CDH23: variants seen among roughly 807,000 people sequenced by gnomAD.
The protein encoded by CDH23 is cadherin related 23, also known as cadherin-23.
In CDH23, 189 loss-of-function variants were observed where a neutral mutation model predicts 317.1. That is an observed-to-expected ratio of 0.60 (90% CI 0.53 to 0.67). The LOEUF is 0.67. CDH23 is among the 30% of genes least tolerant of loss of function. The probability of loss-of-function intolerance (pLI) is 0.00; values close to 1 mark genes in which losing one functional copy is unlikely to be tolerated. For synonymous variants in CDH23, 1,839 were observed against 1,876.8 expected (o/e 0.98, Z 0.52); for missense variants, 4,401 against 4,592.4 (o/e 0.96, Z 1.20).
At chr10:71,569,401 G>A (rs945345783) in intron 7 of CDH23, among the ~76,000 whole-genome samples, 4 of 152,192 alleles carry the variant, frequency 2.6e-5, no homozygotes, top group Non-Finnish European at 5.9e-5. Flanking sequence ...CAAACTAAGG[G>A]AGAGCTAACC....
In CDH23 at chr10:71,734,128, G is replaced by A. The variant is rs565041991; in HGVS notation, c.4105-112G>A. 21 of 843,956 alleles carry A rather than the reference G, an allele frequency of 2.5e-5. No homozygotes were observed. The South Asian group carries it at 2.9e-4, about 12-fold the overall frequency. 52.3% of individuals were successfully genotyped at this position (843,956 alleles called of 1,614,324 possible). ...GGAATTCAACAGACAGAGTGTCCTG[G>A]GGAAGTTATGCCGGACAGAGGAAGT... is the stretch of plus-strand genomic sequence containing the variant. On this transcript the variant is annotated intron_variant, in intron 32 of 69. Coordinates refer to ENST00000224721, the MANE Select transcript of CDH23 (RefSeq NM_022124.6).
At position 71,694,279 on chromosome 10, in the gene CDH23, G is replaced by T; in HGVS notation, c.2289+20G>T. 1 of 1,582,786 alleles carries T rather than the reference G, an allele frequency of 6.3e-7. No individual in the cohort carries two copies. On this transcript the variant is annotated intron_variant, in intron 21 of 69. Coordinates refer to ENST00000224721, the MANE Select transcript of CDH23 (RefSeq NM_022124.6). ...GCCACCGTGAGTGCGCTCCCCTCCC[G>T]TGCCCCAGCTCCCCCTCGCCGGCCA... is the stretch of plus-strand genomic sequence containing the variant.
chr10:71,518,569 C>G (rs1476577519), intron 6 of CDH23, among the ~76,000 whole-genome samples: 1 of 152,206 alleles, frequency 6.6e-6, no homozygotes, highest in Non-Finnish European at 1.5e-5. Flanking sequence ...GTCATAGTGA[C>G]ACCCCTTCCT....
chr10:71,774,237 C>T (rs556591852), intron 38 of CDH23, among the ~76,000 whole-genome samples: 192 of 113,640 alleles, frequency 1.7e-3, no homozygotes, highest in African/African-American at 4.8e-3. Context: ...TGGCTGTGCA[C>T]CCGCCCTCCC....
chr10:71,803,113 G>A (rs1460307265), intron 54 of CDH23, 38 bp downstream of exon 54: 1 of 1,601,940 alleles, frequency 6.2e-7, no homozygotes, highest in East Asian at 2.2e-5. Flanking sequence ...ATGTCTTGGG[G>A]GGTGGGAGGG....
chr10:71,677,084 T>A (rs540991372), intron 15 of CDH23, among the ~76,000 whole-genome samples: 2 of 152,298 alleles, frequency 1.3e-5, no homozygotes, highest in African/African-American at 4.8e-5. Flanking sequence ...TTTCTGCCCA[T>A]TCCTAGCATT....
chr10:71,645,981 G>A lies in CDH23; in HGVS notation c.1290+1G>A. 1 of 1,611,168 alleles carries A rather than the reference G, an allele frequency of 6.2e-7. No individual in the cohort carries two copies. Reference sequence around the variant, plus strand: ...GACCGTGGACCGCTACGACTTTGATGTAAGGCCCCACTCACTGGCATTTTG... The same window carrying A: ...GACCGTGGACCGCTACGACTTTGATATAAGGCCCCACTCACTGGCATTTTG... On this transcript the variant is annotated splice_donor_variant, in intron 13 of 69. Coordinates refer to ENST00000224721, the MANE Select transcript of CDH23 (RefSeq NM_022124.6). LOFTEE classifies it high-confidence loss of function.
Position 71,510,023 on chromosome 10 carries a change from G to A in CDH23, c.146-59G>A, listed in dbSNP as rs1314203751. 2.1e-5 allele frequency: 34 copies of A among 1,606,012 alleles called. No homozygotes were observed. The Admixed American group carries it at 2.5e-4, about 12-fold the overall frequency. ...AGAGTTCAGCCACCTGGGCAAGGTAGGAAGGCATAAACGTGACCTCTCTTA... is the reference window on the plus strand; with the variant it reads ...AGAGTTCAGCCACCTGGGCAAGGTAAGAAGGCATAAACGTGACCTCTCTTA... On this transcript the variant is annotated intron_variant, in intron 3 of 69. Coordinates refer to ENST00000224721, the MANE Select transcript of CDH23 (RefSeq NM_022124.6).
At chr10:71,790,485 G>A in intron 46 of CDH23, 72 bp downstream of exon 46, 1 of 1,565,598 alleles carries the variant, frequency 6.4e-7, no homozygotes, top group Non-Finnish European at 8.6e-7. Flanking sequence ...CTGGATTGAG[G>A]GCCTCCCTTC....
intron 28 of CDH23, among the ~76,000 whole-genome samples, chr10:71,718,293 G>A (rs893242516): frequency 3.9e-5 from 6 of 152,168 alleles, no homozygotes; most frequent in African/African-American, 1.2e-4. Context: ...ACCAGCAGCC[G>A]CAGGACCTCA....
chr10:71,758,854 G>A (rs1437176330), intron 38 of CDH23, among the ~76,000 whole-genome samples: 1 of 152,104 alleles, frequency 6.6e-6, no homozygotes, highest in East Asian at 1.9e-4. Context: ...TAGCGAGAGT[G>A]CATCTCTACC....
chr10:71,612,641 G>T (rs1432826095), intron 9 of CDH23, among the ~76,000 whole-genome samples: 1 of 152,158 alleles, frequency 6.6e-6, no homozygotes, highest in East Asian at 1.9e-4. Context: ...GCTGTCTGTG[G>T]GGGGGCTGGG....
At chr10:71,487,926 G>A (rs1017767556) in intron 3 of CDH23, among the ~76,000 whole-genome samples, 4 of 152,166 alleles carry the variant, frequency 2.6e-5, no homozygotes, top group African/African-American at 9.7e-5. Flanking sequence ...GACCACTTAT[G>A]CATCCAGCCT....
At chr10:71,439,776 C>T (rs1849786015) in intron 1 of CDH23, 51 bp from the exon 2 acceptor site, 2 of 1,408,456 alleles carry the variant, frequency 1.4e-6, no homozygotes, top group Non-Finnish European at 2.0e-6. Flanking sequence ...GGAGCAGACC[C>T]TCTGCCACCC....
At chr10:71,477,203 C>T (rs1002964273) in intron 3 of CDH23, among the ~76,000 whole-genome samples, 1 of 152,140 alleles carries the variant, frequency 6.6e-6, no homozygotes, top group African/African-American at 2.4e-5. Context: ...GAGTCTTGCT[C>T]TATCACCCAG....
At chr10:71,526,394 C>T (rs78299267) in intron 6 of CDH23, among the ~76,000 whole-genome samples, 3,371 of 152,294 alleles carry the variant, frequency 0.022, 135 homozygotes, top group African/African-American at 0.076. Context: ...GAGGGACTTC[C>T]CCCGTTTCTG....
chr10:71,520,277 C>T (rs540870759), intron 6 of CDH23, among the ~76,000 whole-genome samples: 1 of 152,234 alleles, frequency 6.6e-6, no homozygotes, highest in South Asian at 2.1e-4. Flanking sequence ...GTGTGGGAAA[C>T]ATAAAACAAA....
chr10:71,801,343 G>A (rs146315644), intron 53 of CDH23, among the ~76,000 whole-genome samples: 1,810 of 151,830 alleles, frequency 0.012, 33 homozygotes, highest in African/African-American at 0.041. Flanking sequence ...CAGTAGAGAC[G>A]GGGTTTCTCC....
At chr10:71,753,190 T>G (rs531003833) in intron 38 of CDH23, among the ~76,000 whole-genome samples, 8 of 152,192 alleles carry the variant, frequency 5.3e-5, no homozygotes, top group Non-Finnish European at 8.8e-5. Flanking sequence ...GTCCAGCAGA[T>G]GGGGCCTCCA....
Sources: gnomAD v4.1 joint callset for allele counts (sites outside exome capture counted in the v4.1 genomes callset) on GRCh38, gnomAD v4.1.1 for gene constraint, MANE v1.5 for transcripts, NCBI Gene and HGNC (gene_info 2026-07-23, HGNC 2026-07-21) for gene names.